Variants in TEAD4 observed in about 807,000 individuals in gnomAD.
The protein encoded by TEAD4 is TEA domain transcription factor 4, also known as transcriptional enhancer factor TEF-3.
In TEAD4, 36 loss-of-function variants were observed where a neutral mutation model predicts 52.4. That is an observed-to-expected ratio of 0.69 (90% CI 0.53 to 0.91). The LOEUF (loss-of-function observed/expected upper bound fraction) is 0.91. Among genes scored for constraint, TEAD4 ranks in the 40% least tolerant of loss-of-function variants. The probability of loss-of-function intolerance (pLI) is 0.00; values close to 1 mark genes in which losing one functional copy is unlikely to be tolerated. For missense variants in TEAD4, 508 were observed against 583.9 expected (o/e 0.87, Z 1.34); for synonymous variants, 220 against 231.0 (o/e 0.95, Z 0.43).
At chr12:3,018,918 C>T (rs2098266580) in intron 7 of TEAD4, among the ~76,000 whole-genome samples, 197 bp from the exon 8 acceptor site, 1 of 151,996 alleles carries the variant, frequency 6.6e-6, no homozygotes, top group Admixed American at 6.6e-5. Flanking sequence ...TGGATTTCTT[C>T]AGCAGACACG....
At chr12:2,987,702 C>T (rs946109581) in intron 2 of TEAD4, among the ~76,000 whole-genome samples, 1 of 151,440 alleles carries the variant, frequency 6.6e-6, no homozygotes, top group Non-Finnish European at 1.5e-5. Context: ...GATTACAGGC[C>T]TGAGCCACCG....
chr12:3,032,927 G>A (rs533050063), intron 10 of TEAD4, among the ~76,000 whole-genome samples: 10 of 152,318 alleles, frequency 6.6e-5, no homozygotes, highest in African/African-American at 2.4e-4. Flanking sequence ...GGCTCCCCCC[G>A]CATCGGGAAG....
chr12:2,994,727 T>C lies in TEAD4; in HGVS notation c.-29-11T>C. 1 of 1,555,358 alleles carries C rather than the reference T, an allele frequency of 6.4e-7. No homozygotes were observed. On this transcript the variant is annotated splice_polypyrimidine_tract_variant and intron_variant, in intron 2 of 12. Transcript: ENST00000359864. The surrounding 1 kb of genome is among the most constrained non-coding windows in gnomAD (Gnocchi z 4.7). ...CACTGCTCACCGGGGCTGTGGTTCC[T>C]GTCCCCACAGGTCCAACGAGCGCTC...
intron 9 of TEAD4, among the ~76,000 whole-genome samples, 155 bp downstream of exon 9, chr12:3,020,928 C>T (rs2098268273): frequency 6.6e-6 from 1 of 152,166 alleles, no homozygotes; most frequent in South Asian, 2.1e-4. Context: ...CTCCTCCTTT[C>T]CTCCTTCACG....
chr12:3,004,104 G>A (rs1423622584), intron 3 of TEAD4, among the ~76,000 whole-genome samples: 1 of 152,226 alleles, frequency 6.6e-6, no homozygotes, highest in East Asian at 1.9e-4. Flanking sequence ...CCAGCTGTGG[G>A]TACCACTGTC....
intron 5 of TEAD4, among the ~76,000 whole-genome samples, chr12:3,016,866 T>C (rs2098264916): frequency 6.6e-6 from 1 of 152,126 alleles, no homozygotes; most frequent in African/African-American, 2.4e-5. Context: ...AGACAGTGGG[T>C]ATTTACACTC....
At chr12:2,964,792 C>T (rs866347949) in intron 2 of TEAD4, among the ~76,000 whole-genome samples, 4 of 152,008 alleles carry the variant, frequency 2.6e-5, no homozygotes, top group African/African-American at 7.2e-5. Context: ...TTTCTTTAGC[C>T]GCAGGCAGAG....
chr12:3,008,196 C>T (rs577529637), intron 3 of TEAD4, among the ~76,000 whole-genome samples: 65 of 151,804 alleles, frequency 4.3e-4, no homozygotes, highest in Admixed American at 3.6e-3. Context: ...CCAGGGTGGG[C>T]GGGTAGGAGT....
intron 4 of TEAD4, 119 bp from the exon 5 acceptor site, chr12:3,012,051 T>TTCA: frequency 2.1e-6 from 2 of 945,812 alleles, no homozygotes; most frequent in Non-Finnish European, 3.2e-6. Flanking sequence ...CTTTCATTCA[T>TTCA]TCATTCATTT....
rs140794798 is a variant in TEAD4, at chr12:3,037,245, G to A, written c.898-723G>A. Among the ~76,000 whole-genome samples the A allele has an allele frequency of 3.1e-3, 468 of 152,258 alleles. 4 individuals carry two copies. Among genetic ancestry groups the A allele is most frequent in the African/African-American group, 0.01 (422 of 41,540 alleles). ...TTGTGGCTAAATGGCTCAATGAGAC[G>A]GTGAAGTGACTTGACTTCTGAAGAG... On this transcript the variant is annotated intron_variant, in intron 10 of 12. Coordinates refer to ENST00000359864, the MANE Select transcript of TEAD4 (RefSeq NM_003213.4).
At chr12:2,999,234 C>G (rs1406438593) in intron 3 of TEAD4, among the ~76,000 whole-genome samples, 1 of 152,126 alleles carries the variant, frequency 6.6e-6, no homozygotes, top group Non-Finnish European at 1.5e-5. Flanking sequence ...CTCTGTGTAC[C>G]CCAGCCCCAT....
intron 10 of TEAD4, among the ~76,000 whole-genome samples, chr12:3,026,360 A>G (rs1312547657): frequency 6.6e-6 from 1 of 152,264 alleles, no homozygotes; most frequent in Non-Finnish European, 1.5e-5. Context: ...AAACAGTGGC[A>G]TAAATAGTTT....
At position 2,959,883 on chromosome 12, in the gene TEAD4, C is replaced by T. The variant is rs2098213846; in HGVS notation, c.-122-65C>T. ...GCTTGGCCCCGCGGCCCCGCCTTCACTGCGCCGCCCGTCGGCCCCGGCCGG... is the reference window on the plus strand; with the variant it reads ...GCTTGGCCCCGCGGCCCCGCCTTCATTGCGCCGCCCGTCGGCCCCGGCCGG... On this transcript the variant is annotated intron_variant, in intron 1 of 12. Transcript: ENST00000359864. The surrounding 1 kb of genome is among the most constrained non-coding windows in gnomAD (Gnocchi z 5.1). 1.3e-5 allele frequency: 2 copies of T among 151,804 alleles called. No individual in the cohort carries two copies. Among genetic ancestry groups the T allele is most frequent in the Admixed American group, 6.6e-5 (1 of 15,248 alleles). The allele number at this position is 151,804 out of a possible 1,614,324, so 9.4% of individuals were successfully genotyped here.
intron 2 of TEAD4, among the ~76,000 whole-genome samples, chr12:2,989,765 C>T (rs931403363): frequency 6.6e-6 from 1 of 152,088 alleles, no homozygotes; most frequent in African/African-American, 2.4e-5. Flanking sequence ...TTTAATAGTC[C>T]TTCCTTTCTA....
At chr12:3,009,864 C>T (rs1209789458) in intron 3 of TEAD4, among the ~76,000 whole-genome samples, 5 of 152,218 alleles carry the variant, frequency 3.3e-5, no homozygotes, top group African/African-American at 7.2e-5. Context: ...CCTCGTAATT[C>T]GGCCTTGGCA....
intron 9 of TEAD4, among the ~76,000 whole-genome samples, 172 bp downstream of exon 9, chr12:3,020,945 C>G (rs2098268284): frequency 6.6e-6 from 1 of 152,054 alleles, no homozygotes; most frequent in Non-Finnish European, 1.5e-5. Flanking sequence ...CACGTCACCC[C>G]TCTTCCCTCT....
intron 2 of TEAD4, among the ~76,000 whole-genome samples, chr12:2,987,265 A>G (rs913428853): frequency 1.3e-5 from 2 of 152,220 alleles, no homozygotes; most frequent in Non-Finnish European, 2.9e-5. Context: ...AGAAGAGGTC[A>G]GGTCAGAACC....
chr12:3,035,252 A>G (rs1035116978), intron 10 of TEAD4, among the ~76,000 whole-genome samples: 2 of 152,242 alleles, frequency 1.3e-5, no homozygotes, highest in South Asian at 4.1e-4. Context: ...TAGATGGCAC[A>G]TGAATGTGGC....
chr12:2,966,652 C>T (rs1490067298), intron 2 of TEAD4, among the ~76,000 whole-genome samples: 1 of 151,944 alleles, frequency 6.6e-6, no homozygotes, highest in Non-Finnish European at 1.5e-5. Flanking sequence ...ACCTTGTGAT[C>T]TGCCCGCCTT....
Sources: gnomAD v4.1 joint callset for allele counts (sites outside exome capture counted in the v4.1 genomes callset) on GRCh38, gnomAD v4.1.1 for gene constraint, Gnocchi (gnomAD v3.1) non-coding constraint, MANE v1.5 for transcripts, NCBI Gene and HGNC (gene_info 2026-07-23, HGNC 2026-07-21) for gene names.